The following SPIDR variants were observed in gnomAD, a reference collection of about 807,000 sequenced individuals.
SPIDR encodes DNA repair-scaffolding protein.
A neutral mutation model predicts 104.6 loss-of-function variants in SPIDR; 93 were observed. The observed-to-expected ratio is 0.89, with a 90% CI of 0.75 to 1.06. The LOEUF (loss-of-function observed/expected upper bound fraction) is 1.06. Among genes scored for constraint, SPIDR ranks in the 50% least tolerant of loss-of-function variants. The pLI, the probability that SPIDR is intolerant of heterozygous loss-of-function variation, is 0.00. For missense variants in SPIDR, 1,154 were observed against 1,111.2 expected (o/e 1.04, Z -0.55); for synonymous variants, 431 against 416.9 (o/e 1.03, Z -0.41).
At chr8:47,568,942 T>G (rs1345388066) in intron 8 of SPIDR, among the ~76,000 whole-genome samples, 1 of 152,170 alleles carries the variant, frequency 6.6e-6, no homozygotes, top group East Asian at 1.9e-4. Flanking sequence ...GGAAAAAATG[T>G]AAATGGATGA....
intron 5 of SPIDR, among the ~76,000 whole-genome samples, chr8:47,296,622 G>C (rs2040888367): frequency 6.6e-6 from 1 of 152,092 alleles, no homozygotes; most frequent in Non-Finnish European, 1.5e-5. Context: ...TTGGTTAGTT[G>C]GTCGGTTTTT....
chr8:47,681,910 T>G (rs2154475713), intron 11 of SPIDR, among the ~76,000 whole-genome samples: 1 of 152,310 alleles, frequency 6.6e-6, no homozygotes, highest in East Asian at 1.9e-4. Flanking sequence ...AATATTATAC[T>G]TCCAAGTTTT....
At chr8:47,702,864 C>G (rs532832978) in intron 14 of SPIDR, among the ~76,000 whole-genome samples, 2 of 152,150 alleles carry the variant, frequency 1.3e-5, no homozygotes, top group African/African-American at 4.8e-5. Flanking sequence ...CCTGGGCTGT[C>G]GGTGGATCAC....
chr8:47,309,032 A>G (rs1446751629), intron 5 of SPIDR, among the ~76,000 whole-genome samples: 1 of 152,250 alleles, frequency 6.6e-6, no homozygotes, highest in Non-Finnish European at 1.5e-5. Flanking sequence ...AGGTGGAGCA[A>G]CACATGCGTG....
At chr8:47,312,663 T>C (rs2044432494) in intron 5 of SPIDR, among the ~76,000 whole-genome samples, 1 of 152,252 alleles carries the variant, frequency 6.6e-6, no homozygotes, top group Middle Eastern at 3.4e-3. Flanking sequence ...TTCTCCCATT[T>C]TGTAGGTTGC....
chr8:47,566,737 G>A (rs2057904947), intron 8 of SPIDR, among the ~76,000 whole-genome samples: 1 of 151,702 alleles, frequency 6.6e-6, no homozygotes, highest in Non-Finnish European at 1.5e-5. Flanking sequence ...GCTATGTGCA[G>A]GACACAACAT....
intron 4 of SPIDR, among the ~76,000 whole-genome samples, chr8:47,291,583 G>A (rs2039914070): frequency 6.6e-6 from 1 of 152,162 alleles, no homozygotes; most frequent in South Asian, 2.1e-4. Context: ...AAACACTTCA[G>A]AAACATTTTC....
At chr8:47,325,401 C>T (rs1246847107) in intron 5 of SPIDR, among the ~76,000 whole-genome samples, 4 of 151,886 alleles carry the variant, frequency 2.6e-5, no homozygotes, top group African/African-American at 7.3e-5. Context: ...TATAAGTAAT[C>T]GTAAAAAATT....
intron 8 of SPIDR, among the ~76,000 whole-genome samples, chr8:47,441,976 A>G (rs1313848718): frequency 6.6e-6 from 1 of 151,940 alleles, no homozygotes; most frequent in Non-Finnish European, 1.5e-5. Flanking sequence ...TGGGCTATTT[A>G]CTCTTTTAAT....
intron 1 of SPIDR, among the ~76,000 whole-genome samples, chr8:47,278,869 G>A (rs1372651428): frequency 2.0e-5 from 3 of 151,998 alleles, no homozygotes; most frequent in Admixed American, 6.6e-5. Flanking sequence ...ATAGAAGGAA[G>A]CAGGATTCAG....
intron 5 of SPIDR, chr8:47,358,000 G>GA (rs2054903605): frequency 3.7e-6 from 1 of 268,456 alleles, no homozygotes; most frequent in East Asian, 1.8e-4. Context: ...AACCTGGTGA[G>GA]AATTAGCATC....
chr8:47,688,800 A>G (rs1016499144), intron 11 of SPIDR, among the ~76,000 whole-genome samples: 3 of 152,204 alleles, frequency 2.0e-5, no homozygotes, highest in African/African-American at 7.2e-5. Context: ...TTAGCATAGT[A>G]GAGTTCCTGC....
At chr8:47,442,073 A>T (rs1383460744) in intron 8 of SPIDR, among the ~76,000 whole-genome samples, 1 of 152,218 alleles carries the variant, frequency 6.6e-6, no homozygotes, top group Non-Finnish European at 1.5e-5. Flanking sequence ...GACTACTCAC[A>T]TCTCATTAAG....
chr8:47,530,316 C>A (rs1037095221), intron 8 of SPIDR, among the ~76,000 whole-genome samples: 1 of 151,988 alleles, frequency 6.6e-6, no homozygotes, highest in Non-Finnish European at 1.5e-5. Context: ...TGGTGACACT[C>A]GCCTGTAATC....
intron 8 of SPIDR, among the ~76,000 whole-genome samples, chr8:47,472,752 TTTTGATCTAGC>T (rs1265340080): frequency 8.5e-5 from 13 of 152,214 alleles, no homozygotes; most frequent in African/African-American, 3.1e-4. Context: ...TATAAGATAG[TTTTGATCTAGC>T]TTTGAAGCCC....
intron 8 of SPIDR, among the ~76,000 whole-genome samples, chr8:47,504,463 C>T (rs1238454680): frequency 2.0e-5 from 3 of 152,098 alleles, no homozygotes; most frequent in Non-Finnish European, 4.4e-5. Context: ...ACATAGTTCT[C>T]GTGCCTTGGT....
In SPIDR at chr8:47,416,435, C is replaced by A. The variant is rs1225534709; in HGVS notation, c.877+8474C>A. ...TGTTGAACTATTTGTTGATGAAGGG[C>A]CTTTGGGTTGTTTCCATATTTGAGT... On this transcript the variant is annotated intron_variant, in intron 7 of 19. Coordinates refer to ENST00000297423, the MANE Select transcript of SPIDR (RefSeq NM_001080394.4). Among the ~76,000 whole-genome samples the A allele has an allele frequency of 1.3e-5, 2 of 151,888 alleles. 1 individual carries two copies. The highest frequency in any genetic ancestry group is 4.1e-4 in the South Asian group (2 of 4,822).
intron 3 of SPIDR, among the ~76,000 whole-genome samples, chr8:47,284,717 T>C (rs1172237060): frequency 6.6e-6 from 1 of 152,200 alleles, no homozygotes; most frequent in Non-Finnish European, 1.5e-5. Context: ...CTGAGGATTT[T>C]CGCCAAGTCA....
At chr8:47,561,324 A>G (rs2057046811) in intron 8 of SPIDR, among the ~76,000 whole-genome samples, 1 of 152,166 alleles carries the variant, frequency 6.6e-6, no homozygotes, top group Non-Finnish European at 1.5e-5. Flanking sequence ...TCCAAGCAGA[A>G]CTGATTTAAC....
Sources: allele counts gnomAD v4.1 joint callset (sites outside exome capture counted in the v4.1 genomes callset), GRCh38; gene constraint gnomAD v4.1.1; transcripts MANE v1.5; gene names NCBI Gene and HGNC (gene_info 2026-07-23, HGNC 2026-07-21).